CACNA1E: variants seen among roughly 807,000 people sequenced by gnomAD.
CACNA1E encodes the protein voltage-dependent R-type calcium channel subunit alpha-1E.
Under a neutral mutation model 259.2 loss-of-function variants are expected in CACNA1E, and 40 were observed. The ratio of observed to expected loss-of-function variants is 0.15; its 90% CI spans 0.12 to 0.20. The LOEUF (loss-of-function observed/expected upper bound fraction) is 0.20. Among genes scored for constraint, CACNA1E ranks in the 10% least tolerant of loss-of-function variants. The pLI is 1.00. For missense variants in CACNA1E, 1,874 were observed against 3,040.1 expected, an observed-to-expected ratio of 0.62 and a Z score of 9.02; for synonymous variants, 1,104 against 1,138.5, an observed-to-expected ratio of 0.97 and a Z score of 0.61.
At chr1:181,375,310 G>A (rs1224966299) in intron 1 of CACNA1E, among the ~76,000 whole-genome samples, 1 of 152,194 alleles carries the variant, frequency 6.6e-6, no homozygotes, top group Non-Finnish European at 1.5e-5. Flanking sequence ...TTTATAGAAT[G>A]TGCACATTAT....
At chr1:181,613,596 C>A (rs1356083883) in intron 6 of CACNA1E, among the ~76,000 whole-genome samples, 2 of 152,258 alleles carry the variant, frequency 1.3e-5, no homozygotes, top group African/African-American at 4.8e-5. Flanking sequence ...AAAAGACTGG[C>A]AGCTGGTGTT....
At chr1:181,413,679 G>A (rs537977852) in intron 2 of CACNA1E, 1 of 152,700 alleles carries the variant, frequency 6.5e-6, no homozygotes, top group Non-Finnish European at 1.5e-5. Flanking sequence ...GCCCTGGAGG[G>A]TCGGGAGATG....
At chr1:181,461,540 C>CAAAAAA (rs10607931) in intron 2 of CACNA1E, among the ~76,000 whole-genome samples, 1 of 82,014 alleles carries the variant, frequency 1.2e-5, no homozygotes, top group Non-Finnish European at 2.4e-5. Context: ...GACTCCATCT[C>CAAAAAA]AAAAAAAAAA....
At chr1:181,451,363 G>T (rs1661144496) in intron 2 of CACNA1E, among the ~76,000 whole-genome samples, 1 of 150,716 alleles carries the variant, frequency 6.6e-6, no homozygotes, top group South Asian at 2.1e-4. Flanking sequence ...GTGGCAGTTG[G>T]TTGTAAAAAG....
intron 8 of CACNA1E, 122 bp from the exon 9 acceptor site, chr1:181,715,216 A>G: frequency 1.5e-6 from 1 of 645,430 alleles, no homozygotes; most frequent in Non-Finnish European, 2.8e-6. Flanking sequence ...GGTGCCTGTG[A>G]CAGGCTCTGA....
chr1:181,783,232 G>C (rs897716469), intron 39 of CACNA1E, among the ~76,000 whole-genome samples: 10 of 152,192 alleles, frequency 6.6e-5, no homozygotes, highest in South Asian at 6.2e-4. Flanking sequence ...ATTTCTCACT[G>C]TATTTCCATA....
intron 8 of CACNA1E, among the ~76,000 whole-genome samples, chr1:181,714,476 G>C (rs1282286657): frequency 6.6e-6 from 1 of 152,076 alleles, no homozygotes; most frequent in Admixed American, 6.5e-5. Context: ...ACATAGGCAT[G>C]CTCGATTAAA....
Position 181,776,606 on chromosome 1 carries a change from C to G in CACNA1E, c.5267+378C>G, listed in dbSNP as rs563667382. Reference sequence around the variant, plus strand: ...GGTTTTTGGCCAGCTGGACATCTGGCCACCATGATCAGTGACTGTGTTTTC... The same window carrying G: ...GGTTTTTGGCCAGCTGGACATCTGGGCACCATGATCAGTGACTGTGTTTTC... On this transcript the variant is annotated intron_variant, in intron 38 of 47. Transcript: ENST00000367573. This position sits in a 1 kb window ranked among gnomAD's most constrained non-coding sequence, Gnocchi z 4.4. 6.6e-6 allele frequency among the ~76,000 whole-genome samples: 1 copy of G among 152,342 alleles called. No individual in the cohort carries two copies. Among genetic ancestry groups the G allele is most frequent in the South Asian group, 2.1e-4 (1 of 4,828 alleles).
chr1:181,746,011 G>A (rs1424537858), intron 25 of CACNA1E, among the ~76,000 whole-genome samples: 1 of 152,152 alleles, frequency 6.6e-6, no homozygotes, highest in African/African-American at 2.4e-5. Flanking sequence ...ATGTGCAAGA[G>A]GGAAAGGATT....
At chr1:181,346,297 T>C (rs1652588250) in intron 1 of CACNA1E, among the ~76,000 whole-genome samples, 1 of 152,260 alleles carries the variant, frequency 6.6e-6, no homozygotes. Flanking sequence ...ATTTCTCTGC[T>C]GTAGTTTTTC....
At chr1:181,605,789 TGAG>T (rs2103085837) in intron 6 of CACNA1E, among the ~76,000 whole-genome samples, 1 of 152,300 alleles carries the variant, frequency 6.6e-6, no homozygotes, top group African/African-American at 2.4e-5. Context: ...GTCATCTTCT[TGAG>T]GAGCTTCTCA....
intron 1 of CACNA1E, among the ~76,000 whole-genome samples, chr1:181,326,668 A>T (rs950536958): frequency 2.0e-5 from 3 of 152,092 alleles, no homozygotes; most frequent in African/African-American, 7.2e-5. Flanking sequence ...TTTCTGTTCT[A>T]ACCTAGGATT....
chr1:181,553,794 T>C (rs1316607866), intron 3 of CACNA1E, among the ~76,000 whole-genome samples: 2 of 152,218 alleles, frequency 1.3e-5, no homozygotes, highest in Non-Finnish European at 2.9e-5. Flanking sequence ...GTTTTTGTGA[T>C]GGATTATGTT....
At chr1:181,643,877 C>T (rs930276074) in intron 6 of CACNA1E, among the ~76,000 whole-genome samples, 9 of 152,166 alleles carry the variant, frequency 5.9e-5, no homozygotes, top group African/African-American at 1.2e-4. Context: ...TTACTCATAA[C>T]GGCCCCTGGC....
rs1296592799 is a variant in CACNA1E, at chr1:181,738,772, C to G, written c.3612+346C>G. On this transcript the variant is annotated intron_variant, in intron 24 of 47. Coordinates refer to ENST00000367573, the MANE Select transcript of CACNA1E (RefSeq NM_001205293.3). The stretch of plus-strand genomic sequence containing the variant: ...AAGGGCTAGGTAGAGATGAGTCTTC[C>G]TGGGCTTCATCTAGTCCCAGCCACC... Among the ~76,000 whole-genome samples the G allele has an allele frequency of 2.0e-5, 3 of 152,216 alleles. No homozygotes were observed. In the East Asian group the frequency reaches 5.8e-4, roughly 29 times the overall value.
chr1:181,399,004 A>G (rs963409343), intron 1 of CACNA1E, among the ~76,000 whole-genome samples: 1 of 152,188 alleles, frequency 6.6e-6, no homozygotes, highest in Admixed American at 6.5e-5. Context: ...ATGAGGACAT[A>G]AATATTAGGG....
intron 25 of CACNA1E, among the ~76,000 whole-genome samples, chr1:181,740,189 T>C (rs950174434): frequency 6.6e-6 from 1 of 152,184 alleles, no homozygotes; most frequent in African/African-American, 2.4e-5. Context: ...GCCTCATCTT[T>C]AGGCTAAGCA....
intron 18 of CACNA1E, among the ~76,000 whole-genome samples, chr1:181,728,110 A>G (rs958801531): frequency 6.6e-6 from 1 of 152,142 alleles, no homozygotes; most frequent in African/African-American, 2.4e-5. Context: ...GCCTTGAGTA[A>G]TTTCTACTCC....
At chr1:181,466,402 C>A (rs1662160995) in intron 2 of CACNA1E, among the ~76,000 whole-genome samples, 1 of 151,848 alleles carries the variant, frequency 6.6e-6, no homozygotes, top group South Asian at 2.1e-4. Context: ...AAAAATTAAG[C>A]CTTGTGTGGG....
Sources: gnomAD v4.1 joint callset for allele counts (sites outside exome capture counted in the v4.1 genomes callset) on GRCh38, gnomAD v4.1.1 for gene constraint, Gnocchi (gnomAD v3.1) non-coding constraint, MANE v1.5 for transcripts, NCBI Gene and HGNC (gene_info 2026-07-23, HGNC 2026-07-21) for gene names.